The following SCAI variants were observed in gnomAD, a reference collection of about 807,000 sequenced individuals.
The protein encoded by SCAI is suppressor of cancer cell invasion.
Under a neutral mutation model 92.2 loss-of-function variants are expected in SCAI, and 24 were observed. The ratio of observed to expected loss-of-function variants is 0.26; its 90% CI spans 0.19 to 0.37. The LOEUF (loss-of-function observed/expected upper bound fraction) is 0.37, where lower values mean the gene tolerates loss of function less well. SCAI is among the 10% of genes least tolerant of loss of function. The pLI, the probability that SCAI is intolerant of heterozygous loss-of-function variation, is 1.00. For synonymous variants in SCAI, 261 were observed against 258.6 expected (o/e 1.01, Z -0.09); for missense variants, 450 against 736.2 (o/e 0.61, Z 4.50).
At chr9:125,121,725 C>T (rs1377766912) in intron 2 of SCAI, among the ~76,000 whole-genome samples, 1 of 152,044 alleles carries the variant, frequency 6.6e-6, no homozygotes, top group South Asian at 2.1e-4. Context: ...TGGTGGCACA[C>T]CCCTGTAGTC....
At chr9:125,081,846 G>GAC (rs1834224708) in intron 2 of SCAI, among the ~76,000 whole-genome samples, 1 of 152,146 alleles carries the variant, frequency 6.6e-6, no homozygotes, top group African/African-American at 2.4e-5. Flanking sequence ...TAGGATTACA[G>GAC]ACATGAGCCA....
At chr9:125,016,040 G>T in intron 9 of SCAI, among the ~76,000 whole-genome samples, 1 of 99,510 alleles carries the variant, frequency 1.0e-5, no homozygotes, top group African/African-American at 4.0e-5. Context: ...TGGGGCGGGG[G>T]GAGGGGGGAG....
chr9:125,010,177 G>C (rs932663354), intron 9 of SCAI, among the ~76,000 whole-genome samples: 1 of 152,202 alleles, frequency 6.6e-6, no homozygotes, highest in African/African-American at 2.4e-5. Flanking sequence ...CACGCAGTGG[G>C]CGCAGGACAG....
chr9:125,140,821 T>G (rs1835649508), intron 2 of SCAI, among the ~76,000 whole-genome samples: 1 of 150,858 alleles, frequency 6.6e-6, no homozygotes, highest in African/African-American at 2.4e-5. Context: ...ATTGCACCAC[T>G]GCACTACAGC....
intron 14 of SCAI, among the ~76,000 whole-genome samples, chr9:124,981,432 T>C (rs1831884020): frequency 6.6e-6 from 1 of 152,216 alleles, no homozygotes. Flanking sequence ...TAATAGTGTA[T>C]CATAATGATA....
intron 9 of SCAI, among the ~76,000 whole-genome samples, chr9:125,012,572 T>C (rs1180893199): frequency 6.6e-6 from 1 of 152,026 alleles, no homozygotes; most frequent in Admixed American, 6.5e-5. Flanking sequence ...TCCCACACAA[T>C]AATAATGGGT....
intron 6 of SCAI, 47 bp from the exon 7 acceptor site, chr9:125,020,816 C>T (rs757710534): frequency 5.8e-6 from 5 of 858,126 alleles, no homozygotes; most frequent in Admixed American, 5.7e-5. Context: ...AAAAAGAATG[C>T]TTTTTGATTT....
At chr9:125,026,718 C>T (rs937726519) in intron 6 of SCAI, 94 bp downstream of exon 6, 23 of 668,764 alleles carry the variant, frequency 3.4e-5, no homozygotes, top group Non-Finnish European at 4.1e-5. Context: ...AACGAGTACA[C>T]GTTATAAAAA....
intron 17 of SCAI, 130 bp from the exon 18 acceptor site, chr9:124,953,083 G>A: frequency 1.3e-6 from 1 of 763,278 alleles, no homozygotes. Context: ...TAATATATTT[G>A]TTGAATATTG....
At chr9:125,126,738 C>T (rs1408288311) in intron 2 of SCAI, among the ~76,000 whole-genome samples, 2 of 152,164 alleles carry the variant, frequency 1.3e-5, no homozygotes, top group African/African-American at 4.8e-5. Context: ...GAGAATTCAG[C>T]TCCATCTTTT....
At chr9:125,106,864 T>C (rs1420482936) in intron 2 of SCAI, among the ~76,000 whole-genome samples, 8 of 39,072 alleles carry the variant, frequency 2.0e-4, no homozygotes, top group African/African-American at 7.5e-4. Flanking sequence ...CCATGCCTGG[T>C]TAATTTTTTT....
chr9:124,971,769 A>G lies in SCAI; in HGVS notation c.1475T>C (p.Leu492Ser). The change falls in exon 16 of 18, where the codon TTG (leucine) becomes TCG (serine). Residue 492 changes from leucine (L) to serine (S), a missense_variant. By Grantham distance (145) the Leu-to-Ser change is moderately radical (BLOSUM62 -2). Transcript: ENST00000336505. ...CCATAGGCCTCTGCGCATGCTTGAC[A>G]ATCCAGAGACAAATAGGAAGGCCAT... The part of the protein sequence containing the change: ...PLMAFLFVSG[L>S]SSMRRGLWEK... 6.2e-7 allele frequency: 1 copy of G among 1,612,538 alleles called. No homozygotes were observed. The highest frequency in any genetic ancestry group is 8.5e-7 in the Non-Finnish European group (1 of 1,179,530).
At position 124,949,701 on chromosome 9, in the gene SCAI, C is replaced by T. The variant is rs1173095496; in HGVS notation, c.*3106G>A. 1.3e-5 allele frequency: 2 copies of T among 152,230 alleles called. No individual in the cohort carries two copies. Among genetic ancestry groups the T allele is most frequent in the South Asian group, 4.1e-4 (2 of 4,830 alleles). The allele number at this position is 152,230 out of a possible 1,614,324, so 9.4% of individuals were successfully genotyped here. On this transcript the variant is annotated 3_prime_UTR_variant, in exon 18 of 18. Transcript: ENST00000336505. The surrounding 1 kb of genome is among the most constrained non-coding windows in gnomAD (Gnocchi z 4.0). ...AAGATTTACCTTACCATAATCTACA[C>T]TTTTCCATCCTACTTAACATTTTCT...
intron 14 of SCAI, among the ~76,000 whole-genome samples, chr9:124,990,347 G>A (rs577301903): frequency 1.3e-5 from 2 of 152,254 alleles, no homozygotes; most frequent in South Asian, 2.1e-4. Flanking sequence ...AAATCAGCCA[G>A]GTGTGGTGGC....
intron 3 of SCAI, among the ~76,000 whole-genome samples, chr9:125,044,032 C>T (rs1199353502): frequency 1.3e-5 from 2 of 152,146 alleles, no homozygotes; most frequent in African/African-American, 2.4e-5. Context: ...GCTCCTGCTC[C>T]CTGGCCTCTC....
At position 124,999,971 on chromosome 9, in the gene SCAI, A is replaced by G. The variant is rs1350405079; in HGVS notation, c.1164T>C (p.Gly388=). 1 of 1,576,598 alleles carries G rather than the reference A, an allele frequency of 6.3e-7. No individual in the cohort carries two copies. The highest frequency in any genetic ancestry group is 8.6e-7 in the Non-Finnish European group (1 of 1,156,818). ...SDSEGPYDFG[G]VLTNSNRDII... is the part of the protein sequence containing the mutation. ...TATCCCGGTTACTATTAGTAAGTAC[A>G]CCTCCAAAATCATAAGGACCTATAA... The change falls in exon 13 of 18, where the codon GGT becomes GGC. Residue 388 remains glycine (G), a synonymous_variant. Coordinates refer to ENST00000336505, the MANE Select transcript of SCAI (RefSeq NM_001144877.3).
At position 125,108,470 on chromosome 9, in the gene SCAI, G is replaced by A. The variant is rs1196119054; in HGVS notation, c.98+34163C>T. Among the ~76,000 whole-genome samples the A allele has an allele frequency of 1.7e-3, 246 of 147,860 alleles. 1 individual carries two copies. Among genetic ancestry groups the A allele is most frequent in the African/African-American group, 6.0e-3 (237 of 39,560 alleles). On this transcript the variant is annotated intron_variant, in intron 2 of 17. Coordinates refer to ENST00000336505, the MANE Select transcript of SCAI (RefSeq NM_001144877.3). ...GCCCATCGTCTGAGATGTGGGGAGC[G>A]CCTCTGCCCCGCCGCCCCGTCTGGG...
intron 15 of SCAI, among the ~76,000 whole-genome samples, chr9:124,975,647 T>C (rs1236264947): frequency 6.6e-6 from 1 of 152,192 alleles, no homozygotes; most frequent in East Asian, 1.9e-4. Context: ...AAAATGTGAA[T>C]AAAAGAAACA....
In SCAI at chr9:125,043,148, G is replaced by A. The variant is rs566122584; in HGVS notation, c.230+12728C>T. Among the ~76,000 whole-genome samples, 38 of 151,262 alleles carry A rather than the reference G, an allele frequency of 2.5e-4. 1 individual carries two copies. Among genetic ancestry groups the A allele is most frequent in the Non-Finnish European group, 4.7e-4 (32 of 67,830 alleles). ...TTCCCAAAGTGCTGGAATTACAGGC[G>A]TGAGCCACTGTGCCTGGCCTGCTCC... is the stretch of plus-strand genomic sequence containing the variant. On this transcript the variant is annotated intron_variant, in intron 3 of 17. Coordinates refer to ENST00000336505, the MANE Select transcript of SCAI (RefSeq NM_001144877.3).
Sources: allele counts gnomAD v4.1 joint callset (sites outside exome capture counted in the v4.1 genomes callset), GRCh38; gene constraint gnomAD v4.1.1; non-coding constraint Gnocchi (gnomAD v3.1); transcripts MANE v1.5; gene names NCBI Gene and HGNC (gene_info 2026-07-23, HGNC 2026-07-21).